PTPRK: variants seen among roughly 807,000 people sequenced by gnomAD.
The protein encoded by PTPRK is protein tyrosine phosphatase receptor type K.
A neutral mutation model predicts 178.0 loss-of-function variants in PTPRK; 75 were observed. The observed-to-expected ratio is 0.42, with a 90% CI of 0.35 to 0.51. The LOEUF (loss-of-function observed/expected upper bound fraction) is 0.51, where lower values mean the gene tolerates loss of function less well. Among genes scored for constraint, PTPRK ranks in the 20% least tolerant of loss-of-function variants. The pLI is 0.02. For missense variants in PTPRK, 1,441 were observed against 1,797.8 expected (o/e 0.80, Z 3.59); for synonymous variants, 637 against 620.6 (o/e 1.03, Z -0.39).
chr6:128,203,212 A>G (rs1370928078), intron 6 of PTPRK, among the ~76,000 whole-genome samples: 1 of 152,230 alleles, frequency 6.6e-6, no homozygotes. Context: ...AAGGACTTCA[A>G]TGGAATTCAA....
chr6:128,050,462 C>G (rs776329016), intron 13 of PTPRK, among the ~76,000 whole-genome samples: 2 of 152,164 alleles, frequency 1.3e-5, no homozygotes, highest in Non-Finnish European at 2.9e-5. Flanking sequence ...CTCTTCCACT[C>G]CATTCTTGAA....
intron 1 of PTPRK, among the ~76,000 whole-genome samples, chr6:128,487,631 CAGGT>C (rs1853143838): frequency 6.6e-6 from 1 of 151,982 alleles, no homozygotes; most frequent in South Asian, 2.1e-4. Flanking sequence ...AATGAACAGA[CAGGT>C]GTTCACAAAA....
chr6:128,067,070 T>G (rs1781910625), intron 12 of PTPRK, among the ~76,000 whole-genome samples: 3 of 152,186 alleles, frequency 2.0e-5, no homozygotes, highest in Admixed American at 2.0e-4. Flanking sequence ...ACTATTTGGC[T>G]TGAAAACCCT....
chr6:128,519,666 A>G lies in PTPRK; in HGVS notation c.100+593T>C, dbSNP rs532452732. ...GGCTCCGCCAACACACACACAGAAC[A>G]TGCTCCAAGCAGTGCCCGAGCGCAC... On this transcript the variant is annotated intron_variant, in intron 1 of 29. Coordinates refer to ENST00000368226, the MANE Select transcript of PTPRK (RefSeq NM_002844.4). The surrounding 1 kb of genome is among the most constrained non-coding windows in gnomAD (Gnocchi z 4.3). Among the ~76,000 whole-genome samples the G allele has an allele frequency of 6.6e-6, 1 of 152,126 alleles. No individual in the cohort carries two copies. The highest frequency in any genetic ancestry group is 2.4e-5 in the African/African-American group (1 of 41,446).
At position 128,090,004 on chromosome 6, in the gene PTPRK, A is replaced by T. The variant is rs753640519; in HGVS notation, c.1163-12T>A. On this transcript the variant is annotated splice_polypyrimidine_tract_variant and intron_variant, in intron 7 of 29. Transcript: ENST00000368226. ...GGTTCTCATAGGTTCTGAAAAATAA[A>T]TCAGAGTTGTAGACAGCTGTCTATT... The T allele has an allele frequency of 1.3e-6, 2 of 1,574,382 alleles. No individual in the cohort carries two copies. The highest frequency in any genetic ancestry group is 1.1e-5 in the South Asian group (1 of 90,222).
intron 1 of PTPRK, among the ~76,000 whole-genome samples, chr6:128,482,731 T>C (rs1292331312): frequency 6.6e-6 from 1 of 152,172 alleles, no homozygotes; most frequent in Non-Finnish European, 1.5e-5. Flanking sequence ...TGCTAGGAAA[T>C]ACAGAGAATT....
chr6:128,419,709 A>G (rs1181583447), intron 1 of PTPRK, among the ~76,000 whole-genome samples: 1 of 152,230 alleles, frequency 6.6e-6, no homozygotes, highest in Non-Finnish European at 1.5e-5. Flanking sequence ...ATTTCCAATA[A>G]TCTTGCTGTT....
intron 2 of PTPRK, among the ~76,000 whole-genome samples, chr6:128,339,403 A>G (rs1464152330): frequency 2.6e-5 from 4 of 152,176 alleles, no homozygotes; most frequent in Admixed American, 1.3e-4. Flanking sequence ...CTTGACCCTC[A>G]CTAAACACAT....
chr6:128,302,036 A>C (rs1297582449), intron 3 of PTPRK, among the ~76,000 whole-genome samples: 3 of 152,206 alleles, frequency 2.0e-5, no homozygotes, highest in Admixed American at 6.5e-5. Flanking sequence ...TAAATTACAA[A>C]TAAAGAAACA....
intron 6 of PTPRK, among the ~76,000 whole-genome samples, chr6:128,198,091 T>C (rs763153765): frequency 6.6e-6 from 1 of 152,152 alleles, no homozygotes; most frequent in Non-Finnish European, 1.5e-5. Flanking sequence ...CCAAATATCA[T>C]ACTGGAGTGA....
intron 2 of PTPRK, among the ~76,000 whole-genome samples, chr6:128,345,610 G>A (rs753898664): frequency 3.3e-5 from 5 of 152,202 alleles, no homozygotes; most frequent in Non-Finnish European, 7.3e-5. Context: ...GTTATGATGC[G>A]AAGCTTAGCT....
chr6:128,261,659 A>C (rs897585582), intron 3 of PTPRK, among the ~76,000 whole-genome samples: 4 of 152,190 alleles, frequency 2.6e-5, no homozygotes, highest in Non-Finnish European at 5.9e-5. Flanking sequence ...ACCTGCAGGC[A>C]TCAAGCACTT....
chr6:128,459,652 T>C (rs371072015), intron 1 of PTPRK, among the ~76,000 whole-genome samples: 1 of 152,176 alleles, frequency 6.6e-6, no homozygotes, highest in African/African-American at 2.4e-5. Flanking sequence ...GAAACCTTCA[T>C]GGGCTGCCAT....
At chr6:128,078,940 A>G in intron 10 of PTPRK, 22 bp from the exon 11 acceptor site, 1 of 1,480,774 alleles carries the variant, frequency 6.8e-7, no homozygotes, top group Non-Finnish European at 9.4e-7. Context: ...TTAATGAGAT[A>G]AAAAAGGTTC....
At chr6:128,100,652 T>C (rs1363359432) in intron 7 of PTPRK, among the ~76,000 whole-genome samples, 1 of 151,970 alleles carries the variant, frequency 6.6e-6, no homozygotes, top group Non-Finnish European at 1.5e-5. Context: ...ATTGATTATA[T>C]CTCAGAGCTG....
In PTPRK at chr6:128,414,607, T is replaced by C. The variant is rs74808618; in HGVS notation, c.101-16919A>G. 7.5e-3 allele frequency among the ~76,000 whole-genome samples: 1,149 copies of C among 152,330 alleles called. 11 individuals carry two copies. The highest frequency in any genetic ancestry group is 0.026 in the African/African-American group (1,092 of 41,584). On this transcript the variant is annotated intron_variant, in intron 1 of 29. Coordinates refer to ENST00000368226, the MANE Select transcript of PTPRK (RefSeq NM_002844.4). The stretch of plus-strand genomic sequence containing the variant: ...TACTTATTTGTAAAACCTTATCTTC[T>C]GGAGGAGATTTGTTCTTTTATTGTT...
intron 1 of PTPRK, among the ~76,000 whole-genome samples, chr6:128,470,754 T>TG (rs1194172188): frequency 8.7e-5 from 13 of 149,688 alleles, no homozygotes; most frequent in African/African-American, 3.2e-4. Flanking sequence ...TCTCTCTTTT[T>TG]TTTTTTTTTT....
At chr6:128,421,059 A>G (rs1562486383) in intron 1 of PTPRK, among the ~76,000 whole-genome samples, 1 of 152,230 alleles carries the variant, frequency 6.6e-6, no homozygotes, top group African/African-American at 2.4e-5. Flanking sequence ...TATAAAAAAC[A>G]CAATCATTCT....
In PTPRK at chr6:128,049,846, A is replaced by G. The variant is rs183435267; in HGVS notation, c.2194+14912T>C. Among the ~76,000 whole-genome samples, 334 of 152,334 alleles carry G rather than the reference A, an allele frequency of 2.2e-3. 2 individuals carry two copies. The highest frequency in any genetic ancestry group is 7.6e-3 in the African/African-American group (315 of 41,582). ...TTAGGGCACTTTATAAATTACATAT[A>G]CAAAGATAGGCCAGGTGCGGTGGCT... On this transcript the variant is annotated intron_variant, in intron 13 of 29. Coordinates refer to ENST00000368226, the MANE Select transcript of PTPRK (RefSeq NM_002844.4).
Sources: allele counts gnomAD v4.1 joint callset (sites outside exome capture counted in the v4.1 genomes callset), GRCh38; gene constraint gnomAD v4.1.1; non-coding constraint Gnocchi (gnomAD v3.1); transcripts MANE v1.5; gene names NCBI Gene and HGNC (gene_info 2026-07-23, HGNC 2026-07-21).